The following CHRM3 variants were observed in gnomAD, a reference collection of about 807,000 sequenced individuals.
CHRM3 encodes muscarinic acetylcholine receptor M3.
In CHRM3, 11 loss-of-function variants were observed where a neutral mutation model predicts 41.8. The ratio of observed to expected loss-of-function variants is 0.26; its 90% CI spans 0.17 to 0.44. The LOEUF (loss-of-function observed/expected upper bound fraction) is 0.44. Ranked by LOEUF, CHRM3 falls within the 20% of genes least tolerant of loss-of-function variation. CHRM3 has a pLI of 1.00. For missense variants in CHRM3, 571 were observed against 745.4 expected, an observed-to-expected ratio of 0.77 and a Z score of 2.72; for synonymous variants, 297 against 301.4, an observed-to-expected ratio of 0.99 and a Z score of 0.15.
chr1:239,731,284 T>TGAGTCTGAC (rs1449549517), intron 5 of CHRM3, among the ~76,000 whole-genome samples: 2 of 151,888 alleles, frequency 1.3e-5, no homozygotes, highest in East Asian at 3.9e-4. Context: ...GTGGAATCCA[T>TGAGTCTGAC]GAGTCTGACT....
intron 3 of CHRM3, among the ~76,000 whole-genome samples, chr1:239,550,660 TG>T (rs1659726062): frequency 6.6e-6 from 1 of 152,216 alleles, no homozygotes; most frequent in African/African-American, 2.4e-5. Flanking sequence ...CTTACCGTGA[TG>T]TTTATATCAT....
chr1:239,457,647 G>A (rs76616666), intron 1 of CHRM3, among the ~76,000 whole-genome samples: 2 of 152,064 alleles, frequency 1.3e-5, no homozygotes, highest in Non-Finnish European at 2.9e-5. Context: ...AAAAATAAAC[G>A]TTGAGGGCTT....
At chr1:239,863,174 C>A (rs938563471) in intron 6 of CHRM3, among the ~76,000 whole-genome samples, 51 of 152,118 alleles carry the variant, frequency 3.4e-4, no homozygotes, top group African/African-American at 1.2e-3. Context: ...CATATTGCCT[C>A]TTATTATTTA....
intron 3 of CHRM3, among the ~76,000 whole-genome samples, chr1:239,589,516 T>A (rs1158658209): frequency 2.0e-5 from 3 of 150,026 alleles, no homozygotes; most frequent in African/African-American, 7.3e-5. Flanking sequence ...TGCATATGTA[T>A]AAAACTATAT....
At chr1:239,442,914 G>C (rs1181045536) in intron 1 of CHRM3, among the ~76,000 whole-genome samples, 1 of 152,140 alleles carries the variant, frequency 6.6e-6, no homozygotes, top group Non-Finnish European at 1.5e-5. Flanking sequence ...TTGTGTTATG[G>C]GGTAGAAGGA....
chr1:239,861,987 C>T (rs1445651074), intron 6 of CHRM3, among the ~76,000 whole-genome samples: 4 of 151,890 alleles, frequency 2.6e-5, no homozygotes, highest in Admixed American at 1.3e-4. Context: ...ACTAGAGCCA[C>T]CAAAAAAACA....
chr1:239,907,591 G>A lies in CHRM3; in HGVS notation c.140G>A (p.Gly47Asp). The A allele has an allele frequency of 6.2e-7, 1 of 1,614,150 alleles. No individual in the cohort carries two copies. The change falls in exon 7 of 7, where the codon GGC (glycine) becomes GAC (aspartate). Residue 47 changes from glycine (G) to aspartate (D), a missense_variant. By Grantham distance (94) the Gly-to-Asp change is moderately conservative (BLOSUM62 -1). Transcript: ENST00000676153. This position sits in a 1 kb window ranked among gnomAD's most constrained non-coding sequence, Gnocchi z 5.4. ...FGSYNVSRAAGNFSSPDGTTD... is the reference protein window; with the variant it reads ...FGSYNVSRAADNFSSPDGTTD... ...AGCTACAATGTTTCTCGAGCAGCTG[G>A]CAATTTCTCCTCTCCAGACGGTACC...
At chr1:239,597,473 C>T (rs1364076479) in intron 3 of CHRM3, among the ~76,000 whole-genome samples, 1 of 151,470 alleles carries the variant, frequency 6.6e-6, no homozygotes, top group East Asian at 1.9e-4. Flanking sequence ...TCCAAAGTTT[C>T]TGATCTTGTA....
intron 6 of CHRM3, among the ~76,000 whole-genome samples, chr1:239,862,471 G>T (rs1675716956): frequency 6.6e-6 from 1 of 152,064 alleles, no homozygotes; most frequent in Non-Finnish European, 1.5e-5. Context: ...CAATTCCAAT[G>T]ACATTACATT....
intron 6 of CHRM3, among the ~76,000 whole-genome samples, chr1:239,829,267 A>G (rs910236885): frequency 6.6e-6 from 1 of 151,926 alleles, no homozygotes; most frequent in Admixed American, 6.6e-5. Flanking sequence ...AGTAAGAAAA[A>G]CCGCTAGCTT....
intron 4 of CHRM3, among the ~76,000 whole-genome samples, chr1:239,669,001 T>G (rs1042984591): frequency 5.3e-5 from 8 of 152,316 alleles, no homozygotes; most frequent in African/African-American, 1.4e-4. Flanking sequence ...TTCTGCGTCC[T>G]TAATCAATTT....
chr1:239,509,970 T>C (rs1008452739), intron 2 of CHRM3, among the ~76,000 whole-genome samples: 1 of 152,140 alleles, frequency 6.6e-6, no homozygotes, highest in Non-Finnish European at 1.5e-5. Flanking sequence ...GTGCCTGTAA[T>C]GCCAGCTACT....
intron 4 of CHRM3, among the ~76,000 whole-genome samples, chr1:239,676,609 C>G (rs1417310076): frequency 6.6e-6 from 1 of 152,182 alleles, no homozygotes; most frequent in Non-Finnish European, 1.5e-5. Context: ...ACCCTGGCAT[C>G]ACAGCTCTCC....
intron 6 of CHRM3, among the ~76,000 whole-genome samples, chr1:239,901,978 T>A (rs1679614593): frequency 6.6e-6 from 1 of 152,206 alleles, no homozygotes; most frequent in Admixed American, 6.5e-5. Context: ...ACTCTGGATG[T>A]GGCAAGGGGA....
intron 4 of CHRM3, among the ~76,000 whole-genome samples, chr1:239,643,409 G>A (rs1285344983): frequency 6.6e-6 from 1 of 152,156 alleles, no homozygotes; most frequent in African/African-American, 2.4e-5. Flanking sequence ...CTTGAGCTGT[G>A]GTGGGCTCCA....
At chr1:239,737,715 C>T (rs150426682) in intron 5 of CHRM3, among the ~76,000 whole-genome samples, 6 of 152,248 alleles carry the variant, frequency 3.9e-5, no homozygotes, top group Middle Eastern at 3.4e-3. Context: ...TGTTATGCTG[C>T]TCTCTGTGTT....
At chr1:239,760,063 C>T (rs1386785582) in intron 5 of CHRM3, among the ~76,000 whole-genome samples, 3 of 149,160 alleles carry the variant, frequency 2.0e-5, no homozygotes, top group Admixed American at 6.8e-5. Flanking sequence ...TACAGGCACC[C>T]GCCACCACAC....
chr1:239,456,010 G>T (rs187939929), intron 1 of CHRM3, among the ~76,000 whole-genome samples: 411 of 152,244 alleles, frequency 2.7e-3, no homozygotes, highest in Non-Finnish European at 2.8e-3. Context: ...AAGACTAGGG[G>T]TTTATATAGT....
chr1:239,573,108 C>A (rs556950225), intron 3 of CHRM3, among the ~76,000 whole-genome samples: 1 of 152,276 alleles, frequency 6.6e-6, no homozygotes, highest in South Asian at 2.1e-4. Flanking sequence ...CTCTTCCATG[C>A]CGCACTCCTT....
Sources: allele counts gnomAD v4.1 joint callset (sites outside exome capture counted in the v4.1 genomes callset), GRCh38; gene constraint gnomAD v4.1.1; non-coding constraint Gnocchi (gnomAD v3.1); transcripts MANE v1.5; gene names NCBI Gene and HGNC (gene_info 2026-07-23, HGNC 2026-07-21).